Variants in ANKRD45 observed in about 807,000 individuals in gnomAD.
The protein encoded by ANKRD45 is ankyrin repeat domain 45.
In ANKRD45, 21 loss-of-function variants were observed where a neutral mutation model predicts 28.1. That is an observed-to-expected ratio of 0.75 (90% CI 0.53 to 1.08). The LOEUF is 1.08. ANKRD45 is among the 50% of genes least tolerant of loss of function. ANKRD45 has a pLI of 0.00. For missense variants in ANKRD45, 261 were observed against 308.7 expected (o/e 0.85, Z 1.16); for synonymous variants, 86 against 103.9 (o/e 0.83, Z 1.05).
chr1:173,647,005 G>C lies in ANKRD45; in HGVS notation c.337C>G (p.Leu113Val), dbSNP rs1173793838. ...LNEKTTRGYT[L>V]LHCAAAWGRL... ...CCCCAGGCTGCAGCACAATGTAAGAGTGTGTACCCTAACAAATGGAATGAA... is the reference window on the plus strand; with the variant it reads ...CCCCAGGCTGCAGCACAATGTAAGACTGTGTACCCTAACAAATGGAATGAA... Residue 113 changes from leucine to valine, a missense_variant, in exon 3 of 6, where the codon CTC (leucine) becomes GTC (valine). Physicochemically the swap from Leu to Val is conservative, Grantham distance 32. Transcript: ENST00000333279. 1.2e-6 allele frequency: 2 copies of C among 1,613,110 alleles called. No homozygotes were observed. Among genetic ancestry groups the C allele is most frequent in the Non-Finnish European group, 1.7e-6 (2 of 1,179,438 alleles).
chr1:173,680,130 G>A, the ANKRD45 span, among the ~76,000 whole-genome samples: 1 of 152,172 alleles, frequency 6.6e-6, no homozygotes, highest in African/African-American at 2.4e-5. Context: ...AGACAGTGTG[G>A]CAATTCCTCA....
At chr1:173,639,906 C>T (rs1322959609) in intron 3 of ANKRD45, among the ~76,000 whole-genome samples, 2 of 152,206 alleles carry the variant, frequency 1.3e-5, no homozygotes, top group Non-Finnish European at 1.5e-5. Flanking sequence ...GAACCTATCT[C>T]ACAGCCCATG....
At chr1:173,693,938 T>C in the ANKRD45 span, among the ~76,000 whole-genome samples, 4 of 152,242 alleles carry the variant, frequency 2.6e-5, no homozygotes, top group Admixed American at 2.0e-4. Flanking sequence ...GTTTAACTTA[T>C]CTGCTTTGAG....
the ANKRD45 span, among the ~76,000 whole-genome samples, chr1:173,702,347 T>G: frequency 6.6e-6 from 1 of 152,206 alleles, no homozygotes; most frequent in Non-Finnish European, 1.5e-5. Flanking sequence ...GAATTCAAAG[T>G]TCAGCAGATA....
rs1558114985 is a variant in ANKRD45, at chr1:173,613,568, C to CCCCG, written c.731-3354_731-3353insCGGG. Among the ~76,000 whole-genome samples the CCCCG allele has an allele frequency of 1.6e-4, 22 of 141,862 alleles. 1 individual carries two copies. The highest frequency in any genetic ancestry group is 5.3e-4 in the African/African-American group (18 of 33,646). The allele number at this position is 141,862 out of a possible 152,430, so 93.1% of individuals were successfully genotyped here. On this transcript the variant is annotated intron_variant, in intron 5 of 5. Transcript: ENST00000333279. ...GGAGGGAGGTGGGGGGTCAGCCCCC[C>CCCCG]CCCCGGCCAGCCGCCCCGTCCGGGA...
At chr1:173,693,260 C>T in the ANKRD45 span, among the ~76,000 whole-genome samples, 2 of 151,956 alleles carry the variant, frequency 1.3e-5, no homozygotes, top group African/African-American at 4.8e-5. Flanking sequence ...TGCCATTGCA[C>T]TTCAGCCCAG....
intron 1 of ANKRD45, among the ~76,000 whole-genome samples, chr1:173,662,231 A>C (rs1669808372): frequency 6.6e-6 from 1 of 152,234 alleles, no homozygotes; most frequent in African/African-American, 2.4e-5. Flanking sequence ...AAGAAATAAC[A>C]GTCCTAAAGA....
At chr1:173,686,645 T>C in the ANKRD45 span, among the ~76,000 whole-genome samples, 38 of 152,188 alleles carry the variant, frequency 2.5e-4, no homozygotes, top group Admixed American at 1.9e-3. Flanking sequence ...TTCTAAGAAA[T>C]TGACCTTTTG....
the ANKRD45 span, among the ~76,000 whole-genome samples, chr1:173,681,515 C>T: frequency 3.9e-5 from 6 of 152,014 alleles, no homozygotes; most frequent in Non-Finnish European, 1.5e-5. Context: ...ATTGTGTACA[C>T]GACACATAAA....
chr1:173,672,553 T>A (rs1416322033), upstream of ANKRD45, among the ~76,000 whole-genome samples: 2 of 152,216 alleles, frequency 1.3e-5, no homozygotes, highest in African/African-American at 4.8e-5. Flanking sequence ...CAACTAAAAA[T>A]TAAATAGAAC....
At chr1:173,678,828 T>G in the ANKRD45 span, among the ~76,000 whole-genome samples, 1 of 152,158 alleles carries the variant, frequency 6.6e-6, no homozygotes, top group Non-Finnish European at 1.5e-5. Flanking sequence ...GCCCCAAATC[T>G]CCTTAACCTG....
chr1:173,686,874 CT>C, the ANKRD45 span, among the ~76,000 whole-genome samples: 2 of 152,112 alleles, frequency 1.3e-5, no homozygotes, highest in African/African-American at 4.8e-5. Context: ...TTAATACAAC[CT>C]TGTAGACATA....
chr1:173,614,859 C>G (rs563126044), intron 5 of ANKRD45, among the ~76,000 whole-genome samples: 1 of 151,948 alleles, frequency 6.6e-6, no homozygotes, highest in South Asian at 2.1e-4. Flanking sequence ...AGCTGTTGCC[C>G]AGGCTGGACT....
chr1:173,619,721 G>A (rs1000419682), intron 5 of ANKRD45, among the ~76,000 whole-genome samples: 23 of 151,964 alleles, frequency 1.5e-4, no homozygotes, highest in African/African-American at 3.4e-4. Context: ...CCAGCCACTC[G>A]GGAGGGGGAG....
chr1:173,714,084 A>G, the ANKRD45 span, among the ~76,000 whole-genome samples: 1 of 152,228 alleles, frequency 6.6e-6, no homozygotes, highest in Non-Finnish European at 1.5e-5. Context: ...ACACCTGTGT[A>G]GATTCTACAT....
rs760436504 is a variant in ANKRD45 at position 173,669,841 on chromosome 1, G to T, written c.-40C>A. ...CCACACCCGGGCCCCGGCCTCCTCG[G>T]TTACCATAGCAACGGCGCAACACGC... On this transcript the variant is annotated 5_prime_UTR_variant, in exon 1 of 6. Coordinates refer to ENST00000333279, the MANE Select transcript of ANKRD45 (RefSeq NM_198493.3). 92 of 170,380 alleles carry T rather than the reference G, an allele frequency of 5.4e-4. No individual in the cohort carries two copies. The highest frequency in any genetic ancestry group is 5.1e-4 in the Middle Eastern group (1 of 1,950). The allele number at this position is 170,380 out of a possible 1,614,324, so 10.6% of individuals were successfully genotyped here. A position where few individuals can be genotyped will look rare whatever the true frequency, so the allele number is the denominator to read the frequency against.
At chr1:173,646,301 A>G (rs1480799663) in intron 3 of ANKRD45, among the ~76,000 whole-genome samples, 1 of 152,242 alleles carries the variant, frequency 6.6e-6, no homozygotes, top group Non-Finnish European at 1.5e-5. Flanking sequence ...TCAAAGAAAC[A>G]TACCCATGTA....
At chr1:173,671,644 G>A (rs1670263201), upstream of ANKRD45, among the ~76,000 whole-genome samples, 1 of 151,792 alleles carries the variant, frequency 6.6e-6, no homozygotes, top group East Asian at 1.9e-4. Context: ...GCCAAGGCGG[G>A]CGGATCATGA....
At chr1:173,690,717 G>A in the ANKRD45 span, among the ~76,000 whole-genome samples, 5 of 152,132 alleles carry the variant, frequency 3.3e-5, no homozygotes, top group East Asian at 7.7e-4. Context: ...CAGTGTTTTC[G>A]CATGAGACCT....
Sources: gnomAD v4.1 joint callset for allele counts (sites outside exome capture counted in the v4.1 genomes callset) on GRCh38, gnomAD v4.1.1 for gene constraint, MANE v1.5 for transcripts, NCBI Gene and HGNC (gene_info 2026-07-23, HGNC 2026-07-21) for gene names.